Variants in ALK observed in about 807,000 individuals in gnomAD.
ALK encodes the protein ALK tyrosine kinase receptor.
In ALK, 74 loss-of-function variants were observed where a neutral mutation model predicts 163.1. The observed-to-expected ratio is 0.45, with a 90% CI of 0.38 to 0.55. ALK has a LOEUF of 0.55. Ranked by LOEUF, ALK falls within the 20% of genes least tolerant of loss-of-function variation. The pLI is 0.00. For missense variants in ALK, 2,063 were observed against 2,105.3 expected, an observed-to-expected ratio of 0.98 and a Z score of 0.39; for synonymous variants, 960 against 843.2, an observed-to-expected ratio of 1.14 and a Z score of -2.40.
intron 1 of ALK, among the ~76,000 whole-genome samples, chr2:29,799,198 T>A (rs1361783922): frequency 6.6e-6 from 1 of 152,182 alleles, no homozygotes; most frequent in African/African-American, 2.4e-5. Context: ...TCTCTATCAT[T>A]TGTTTCCACT....
intron 1 of ALK, among the ~76,000 whole-genome samples, chr2:29,876,333 GTGGTGA>G (rs1666705533): frequency 6.6e-6 from 1 of 151,702 alleles, no homozygotes; most frequent in African/African-American, 2.4e-5. Flanking sequence ...GGTGGTGGTG[GTGGTGA>G]TGGTGATGGT....
At chr2:29,287,872 C>T (rs1665901525) in intron 9 of ALK, among the ~76,000 whole-genome samples, 1 of 152,032 alleles carries the variant, frequency 6.6e-6, no homozygotes, top group Admixed American at 6.5e-5. Flanking sequence ...CACCAACCAG[C>T]ATGCTTATTT....
chr2:29,298,038 G>A (rs1666250523), intron 8 of ALK, among the ~76,000 whole-genome samples: 1 of 152,128 alleles, frequency 6.6e-6, no homozygotes, highest in Admixed American at 6.5e-5. Flanking sequence ...CCACTCCTTT[G>A]TCTTCCAGTC....
chr2:29,750,031 T>C (rs1404636580), intron 1 of ALK, among the ~76,000 whole-genome samples: 3 of 152,168 alleles, frequency 2.0e-5, no homozygotes, highest in Non-Finnish European at 4.4e-5. Context: ...TAGAGATGCA[T>C]TTCAGGAAAG....
chr2:29,531,923 C>T lies in ALK; in HGVS notation c.1146G>A (p.Gly382=), dbSNP rs755660917. 1 of 1,614,112 alleles carries T rather than the reference C, an allele frequency of 6.2e-7. No individual in the cohort carries two copies. The highest frequency in any genetic ancestry group is 8.5e-7 in the Non-Finnish European group (1 of 1,180,012). The change falls in exon 4 of 29, where the codon GGG becomes GGA. Residue 382 remains glycine, a synonymous_variant. Coordinates refer to ENST00000389048, the MANE Select transcript of ALK (RefSeq NM_004304.5). ...CATGGAGAAGTACTTACCCATGCTT[C>T]CCTGGAGTGGGCATCAGGAGGATCT... is the stretch of plus-strand genomic sequence containing the variant. ...AREILLMPTP[G]KHGWTVLQGR...
chr2:29,698,015 C>A (rs535731601), intron 2 of ALK, among the ~76,000 whole-genome samples: 3 of 152,338 alleles, frequency 2.0e-5, no homozygotes, highest in African/African-American at 7.2e-5. Flanking sequence ...AATTACACTT[C>A]TATTGAGTGT....
At chr2:29,491,287 G>A (rs931462777) in intron 4 of ALK, among the ~76,000 whole-genome samples, 3 of 152,162 alleles carry the variant, frequency 2.0e-5, no homozygotes, top group Non-Finnish European at 2.9e-5. Context: ...TTCCGTGGCT[G>A]ATCCATTAGT....
At chr2:29,901,077 C>G (rs899083904) in intron 1 of ALK, among the ~76,000 whole-genome samples, 1 of 152,072 alleles carries the variant, frequency 6.6e-6, no homozygotes, top group Non-Finnish European at 1.5e-5. Context: ...AGATTTGGAA[C>G]GAGGAGGGGA....
chr2:29,692,647 G>A (rs1185445909), intron 3 of ALK, among the ~76,000 whole-genome samples: 2 of 152,212 alleles, frequency 1.3e-5, no homozygotes, highest in Non-Finnish European at 1.5e-5. Context: ...CGGAGCTCAG[G>A]CAGTAATGCT....
intron 4 of ALK, among the ~76,000 whole-genome samples, chr2:29,402,906 T>C (rs1350435903): frequency 1.3e-5 from 2 of 152,102 alleles, no homozygotes; most frequent in Non-Finnish European, 2.9e-5. Flanking sequence ...TTACCCCCAA[T>C]TCTTTTCCCA....
chr2:29,814,832 A>C (rs1320649959), intron 1 of ALK, among the ~76,000 whole-genome samples: 1 of 143,116 alleles, frequency 7.0e-6, no homozygotes, highest in Non-Finnish European at 1.6e-5. Context: ...TTGGTATGAG[A>C]AATTGTAAGT....
chr2:29,251,221 G>A lies in ALK; in HGVS notation c.2088C>T (p.Pro696=), dbSNP rs2148197569. The A allele has an allele frequency of 1.9e-6, 3 of 1,614,062 alleles. No individual in the cohort carries two copies. The highest frequency in any genetic ancestry group is 2.2e-5 in the East Asian group (1 of 44,886). ...AGGCGTTGTTGCACTGTGCCTGGGT[G>A]GGGCCATGGGGCCCGCTGGCCCCAC... ...TTCGASGPHG[P]TQAQCNNAYQ... The change falls in exon 12 of 29, where the codon CCC becomes CCT. Residue 696 remains proline (P), a synonymous_variant. Transcript: ENST00000389048.
chr2:29,511,744 T>C (rs1431444152), intron 4 of ALK, among the ~76,000 whole-genome samples: 1 of 152,234 alleles, frequency 6.6e-6, no homozygotes, highest in African/African-American at 2.4e-5. Flanking sequence ...GATTATACCA[T>C]GTTGTATTCT....
At chr2:29,608,135 T>A (rs1675591599) in intron 3 of ALK, among the ~76,000 whole-genome samples, 1 of 152,194 alleles carries the variant, frequency 6.6e-6, no homozygotes, top group Admixed American at 6.5e-5. Context: ...CTCTGACAAC[T>A]CTCTATAAAT....
chr2:29,240,749 T>C (rs958808879), intron 12 of ALK, among the ~76,000 whole-genome samples: 6 of 152,172 alleles, frequency 3.9e-5, no homozygotes, highest in Admixed American at 2.0e-4. Context: ...TTCTGAACCA[T>C]ATCAGAAGAG....
chr2:29,311,397 CT>C (rs1666690789), intron 8 of ALK, among the ~76,000 whole-genome samples: 1 of 152,180 alleles, frequency 6.6e-6, no homozygotes, highest in Admixed American at 6.5e-5. Flanking sequence ...CTGCTCAGCT[CT>C]TCCTAGGGGT....
chr2:29,442,785 T>C (rs889412063), intron 4 of ALK, among the ~76,000 whole-genome samples: 2 of 152,226 alleles, frequency 1.3e-5, no homozygotes, highest in Non-Finnish European at 2.9e-5. Flanking sequence ...CTGATTTCTT[T>C]GTTGTGAGAA....
intron 3 of ALK, among the ~76,000 whole-genome samples, chr2:29,653,303 A>G (rs1227099447): frequency 6.6e-6 from 1 of 152,072 alleles, no homozygotes; most frequent in Non-Finnish European, 1.5e-5. Context: ...AGAAATATTG[A>G]TGCTAAAGAG....
chr2:29,409,911 G>A (rs1220287741), intron 4 of ALK, among the ~76,000 whole-genome samples: 1 of 152,096 alleles, frequency 6.6e-6, no homozygotes, highest in Non-Finnish European at 1.5e-5. Flanking sequence ...CCTGTTGGCT[G>A]TTCATCTTTT....
Sources: allele counts gnomAD v4.1 joint callset (sites outside exome capture counted in the v4.1 genomes callset), GRCh38; gene constraint gnomAD v4.1.1; transcripts MANE v1.5; gene names NCBI Gene and HGNC (gene_info 2026-07-23, HGNC 2026-07-21).